ASNS: variants seen among roughly 807,000 people sequenced by gnomAD.
ASNS encodes asparagine synthetase [glutamine-hydrolyzing].
Under a neutral mutation model 62.6 loss-of-function variants are expected in ASNS, and 37 were observed. The ratio of observed to expected loss-of-function variants is 0.59; its 90% CI spans 0.45 to 0.78. The LOEUF (loss-of-function observed/expected upper bound fraction) is 0.78, where lower values mean the gene tolerates loss of function less well. ASNS is among the 30% of genes least tolerant of loss of function. The pLI is 0.00. For missense variants in ASNS, 520 were observed against 682.4 expected (o/e 0.76, Z 2.65); for synonymous variants, 207 against 237.9 (o/e 0.87, Z 1.19).
At chr7:97,862,904 G>A (rs574027370) in intron 4 of ASNS, among the ~76,000 whole-genome samples, 3 of 152,256 alleles carry the variant, frequency 2.0e-5, no homozygotes, top group African/African-American at 7.2e-5. Flanking sequence ...TAAGATGCTG[G>A]ACATCACTGT....
intron 6 of ASNS, 46 bp from the exon 7 acceptor site, chr7:97,858,451 C>T: frequency 1.2e-6 from 2 of 1,609,372 alleles, no homozygotes; most frequent in Non-Finnish European, 1.7e-6. Flanking sequence ...ATGTGCCTTG[C>T]ATAAGACAGG....
At chr7:97,856,239 C>A (rs1279505916) in intron 8 of ASNS, among the ~76,000 whole-genome samples, 1 of 152,180 alleles carries the variant, frequency 6.6e-6, no homozygotes, top group African/African-American at 2.4e-5. Flanking sequence ...TCAGTAGATA[C>A]ATTATCTACA....
chr7:97,859,014 G>T, intron 5 of ASNS, 59 bp from the exon 6 acceptor site: 1 of 1,493,650 alleles, frequency 6.7e-7, no homozygotes, highest in Non-Finnish European at 9.2e-7. Flanking sequence ...ATTAGTTATT[G>T]AAATGAAATA....
Position 97,864,055 on chromosome 7 carries a change from TA to T in ASNS, c.487+203del, listed in dbSNP as rs1791845436. 7.6e-6 allele frequency: 4 copies of T among 527,024 alleles called. No homozygotes were observed. The East Asian group carries it at 1.2e-4, about 16-fold the overall frequency. 32.6% of individuals were successfully genotyped at this position (527,024 alleles called of 1,614,324 possible). A position where few individuals can be genotyped will look rare whatever the true frequency, so the allele number is the denominator to read the frequency against. Reference sequence around the variant, plus strand: ...CACAGCAAAAAATAAACGACTGCACTAAAGAATCATCCTTCAAGGATTACAG... The same window carrying T: ...CACAGCAAAAAATAAACGACTGCACTAAGAATCATCCTTCAAGGATTACAG... On this transcript the variant is annotated intron_variant, in intron 4 of 12. Coordinates refer to ENST00000394308, the MANE Select transcript of ASNS (RefSeq NM_001673.5).
At chr7:97,896,838 G>A in the ASNS span, among the ~76,000 whole-genome samples, 4 of 138,752 alleles carry the variant, frequency 2.9e-5, no homozygotes, top group African/African-American at 1.0e-4. Flanking sequence ...AAAGGAAACA[G>A]ACTAAAGAAT....
chr7:97,871,451 A>G (rs1792251818), intron 1 of ASNS, among the ~76,000 whole-genome samples: 2 of 152,138 alleles, frequency 1.3e-5, no homozygotes, highest in South Asian at 4.1e-4. Context: ...TTCAAGCCCT[A>G]CTTTACCTCT....
At chr7:97,868,207 C>G (rs1324029464) in intron 3 of ASNS, among the ~76,000 whole-genome samples, 1 of 152,070 alleles carries the variant, frequency 6.6e-6, no homozygotes, top group Non-Finnish European at 1.5e-5. Context: ...ACTTGGGAGG[C>G]TGAGGCAGGA....
Position 97,852,274 on chromosome 7 carries a change from T to G in ASNS, c.1671A>C (p.Ser557=). 6.2e-7 allele frequency: 1 copy of G among 1,614,156 alleles called. No individual in the cohort carries two copies. Among genetic ancestry groups the G allele is most frequent in the Non-Finnish European group, 8.5e-7 (1 of 1,180,028 alleles). The change falls in exon 13 of 13, where the codon TCA becomes TCC. Residue 557 remains serine, a synonymous_variant. Transcript: ENST00000394308. The part of the protein sequence containing the change: ...PSARTLTHYK[S]AVKA ...TAAAGACCACCTAAGCTTTGACAGC[T>G]GACTTGTAGTGGGTCAGCGTGCGGG...
chr7:97,861,166 C>T (rs1791699203), intron 4 of ASNS, among the ~76,000 whole-genome samples: 2 of 151,952 alleles, frequency 1.3e-5, no homozygotes, highest in South Asian at 2.1e-4. Context: ...GGACTACAGG[C>T]GCCCGCCACC....
the ASNS span, among the ~76,000 whole-genome samples, chr7:97,889,509 C>G: frequency 6.6e-6 from 1 of 151,424 alleles, no homozygotes; most frequent in Non-Finnish European, 1.5e-5. Context: ...GAGCTAGACT[C>G]CATCTCAACA....
chr7:97,927,544 C>T, the ASNS span, among the ~76,000 whole-genome samples: 11 of 152,156 alleles, frequency 7.2e-5, no homozygotes, highest in South Asian at 2.1e-4. Context: ...CAAGGTCCCA[C>T]TACGTTTGGT....
the ASNS span, among the ~76,000 whole-genome samples, chr7:97,900,360 C>CAAAAAAAAAAAAAACA: frequency 1.1e-5 from 1 of 89,384 alleles, no homozygotes; most frequent in African/African-American, 5.4e-5. Context: ...GACTTTGTCT[C>CAAAAAAAAAAAAAACA]AAAAAAAAAA....
the ASNS span, among the ~76,000 whole-genome samples, chr7:97,912,595 T>C: frequency 7.6e-6 from 1 of 131,564 alleles, no homozygotes; most frequent in Non-Finnish European, 1.6e-5. Context: ...TTTTTTTTTC[T>C]GTTTTCAGAC....
the ASNS span, among the ~76,000 whole-genome samples, chr7:97,881,427 C>T: frequency 6.6e-6 from 1 of 151,920 alleles, no homozygotes; most frequent in African/African-American, 2.4e-5. Context: ...ACTCTCCATC[C>T]CCTCCCCTTT....
the ASNS span, among the ~76,000 whole-genome samples, chr7:97,890,933 A>G: frequency 1.3e-5 from 2 of 152,232 alleles, no homozygotes; most frequent in South Asian, 4.1e-4. Context: ...AGTAGTTCAG[A>G]CACACAAAGA....
intron 5 of ASNS, 51 bp downstream of exon 5, chr7:97,859,162 A>AT (rs1478440905): frequency 6.5e-7 from 1 of 1,548,794 alleles, no homozygotes. Context: ...ACAACTTAAA[A>AT]TTTTTTTCCC....
chr7:97,912,115 A>G, the ASNS span, among the ~76,000 whole-genome samples: 2 of 152,188 alleles, frequency 1.3e-5, no homozygotes, highest in African/African-American at 2.4e-5. Flanking sequence ...GTTTAGCGCA[A>G]TGCAGCCTAT....
chr7:97,860,802 G>A (rs1791676599), intron 4 of ASNS, among the ~76,000 whole-genome samples: 1 of 152,080 alleles, frequency 6.6e-6, no homozygotes, highest in Admixed American at 6.6e-5. Flanking sequence ...CAACTTGTGG[G>A]CCGTCTTTTC....
Position 97,855,473 on chromosome 7 carries a change from G to A in ASNS, c.1031-14C>T. 1 of 1,581,452 alleles carries A rather than the reference G, an allele frequency of 6.3e-7. No homozygotes were observed. The highest frequency in any genetic ancestry group is 8.7e-7 in the Non-Finnish European group (1 of 1,155,968). ...TTAAATACATACCTTAAATGAGAGA[G>A]AGAAATTAACTTTAATGTCAACATA... is the stretch of plus-strand genomic sequence containing the variant. On this transcript the variant is annotated splice_polypyrimidine_tract_variant and intron_variant, in intron 8 of 12. Transcript: ENST00000394308.
Sources: gnomAD v4.1 joint callset for allele counts (sites outside exome capture counted in the v4.1 genomes callset) on GRCh38, gnomAD v4.1.1 for gene constraint, MANE v1.5 for transcripts, NCBI Gene and HGNC (gene_info 2026-07-23, HGNC 2026-07-21) for gene names.